The following CHD6 variants were observed in gnomAD, a reference collection of about 807,000 sequenced individuals.
The protein encoded by CHD6 is ATP-dependent chromatin remodeler CHD6.
A neutral mutation model predicts 276.9 loss-of-function variants in CHD6; 50 were observed. The observed-to-expected ratio is 0.18, with a 90% CI of 0.14 to 0.23. The LOEUF (loss-of-function observed/expected upper bound fraction) is 0.23. Among genes scored for constraint, CHD6 ranks in the 10% least tolerant of loss-of-function variants. CHD6 has a pLI of 1.00. For synonymous variants in CHD6, 1,173 were observed against 1,229.3 expected, an observed-to-expected ratio of 0.95 and a Z score of 0.96; for missense variants, 2,564 against 3,365.8, an observed-to-expected ratio of 0.76 and a Z score of 5.89.
At chr20:41,551,973 A>C (rs944826508) in intron 1 of CHD6, among the ~76,000 whole-genome samples, 10 of 152,332 alleles carry the variant, frequency 6.6e-5, no homozygotes, top group African/African-American at 2.4e-4. Flanking sequence ...TCCCCACTGC[A>C]ACCATAATGT....
rs371562776 is a variant in CHD6 at position 41,423,685 on chromosome 20, T to C, written c.4362A>G (p.Glu1454=). The part of the protein sequence containing the change: ...KEAQKRWTRR[E]QADFYRTVSS... The stretch of plus-strand genomic sequence containing the variant: ...ACACTGTTCTATAGAAGTCTGCTTG[T>C]TCTCTCCTAGTCCACCTTGAGATTT... Residue 1454 remains glutamate (E), a synonymous_variant, in exon 30 of 37, where the codon GAA becomes GAG. Coordinates refer to ENST00000373233, the MANE Select transcript of CHD6 (RefSeq NM_032221.5). 6 of 1,614,036 alleles carry C rather than the reference T, an allele frequency of 3.7e-6. No homozygotes were observed. The African/African-American group carries it at 8.0e-5, about 22-fold the overall frequency.
rs76496183 is a variant in CHD6 at position 41,515,349 on chromosome 20, T to C, written c.555-397A>G. On this transcript the variant is annotated intron_variant, in intron 3 of 36. Coordinates refer to ENST00000373233, the MANE Select transcript of CHD6 (RefSeq NM_032221.5). The stretch of plus-strand genomic sequence containing the variant: ...CTCCCTAATCTGTCACCAACCTCTA[T>C]TGAGTACACGCTGGACCTGGAGTGA... Among the ~76,000 whole-genome samples, 900 of 152,284 alleles carry C rather than the reference T, an allele frequency of 5.9e-3. 3 individuals are homozygous for C. The highest frequency in any genetic ancestry group is 0.01 in the Non-Finnish European group (698 of 68,024).
Position 41,416,662 on chromosome 20 carries a change from T to C in CHD6, c.6412A>G (p.Thr2138Ala), listed in dbSNP as rs778989493. 3.1e-6 allele frequency: 5 copies of C among 1,613,896 alleles called. No homozygotes were observed. The African/African-American group carries it at 5.3e-5, about 17-fold the overall frequency. ...GCTGCTTCCGGCTCTGAGAGGCTGGTTCGAGAACCAGCACTGCTGGTTAAT... is the reference window on the plus strand; with the variant it reads ...GCTGCTTCCGGCTCTGAGAGGCTGGCTCGAGAACCAGCACTGCTGGTTAAT... ...PVLTSSAGSR[T>A]SLSEPEAAEH... The change falls in exon 33 of 37, where the codon ACC (threonine) becomes GCC (alanine). Residue 2138 changes from threonine to alanine, a missense_variant. By Grantham distance (58) the Thr-to-Ala change is moderately conservative. Around this residue, in one of 7 missense-constraint regions of CHD6, gnomAD observed 1,024 missense variants for 1,047.9 expected, o/e 0.98. Transcript: ENST00000373233.
At chr20:41,541,050 A>G (rs1568689595) in intron 2 of CHD6, among the ~76,000 whole-genome samples, 1 of 150,224 alleles carries the variant, frequency 6.7e-6, no homozygotes, top group Admixed American at 6.6e-5. Context: ...AAAAAAACCC[A>G]CATGTCCTCA....
chr20:41,545,933 AC>A (rs2045031640), intron 2 of CHD6, among the ~76,000 whole-genome samples: 1 of 152,086 alleles, frequency 6.6e-6, no homozygotes, highest in African/African-American at 2.4e-5. Context: ...GGTGGGGCTG[AC>A]CTTCCCTTGG....
intron 1 of CHD6, among the ~76,000 whole-genome samples, chr20:41,589,894 T>C (rs564161206): frequency 1.7e-4 from 26 of 152,156 alleles, no homozygotes; most frequent in Middle Eastern, 3.4e-3. Flanking sequence ...CAAAAAAGAG[T>C]CCGCATTGCC....
intron 1 of CHD6, among the ~76,000 whole-genome samples, chr20:41,587,031 T>A (rs1457900203): frequency 1.3e-5 from 2 of 152,202 alleles, no homozygotes; most frequent in African/African-American, 4.8e-5. Flanking sequence ...ATAAAATGGT[T>A]ATTTGCACTT....
intron 25 of CHD6, among the ~76,000 whole-genome samples, chr20:41,444,188 T>C (rs2047991684): frequency 6.6e-6 from 1 of 152,192 alleles, no homozygotes; most frequent in Non-Finnish European, 1.5e-5. Flanking sequence ...AAACCAAGTC[T>C]GGGTTGCACT....
chr20:41,492,362 T>C (rs4812517), intron 10 of CHD6, among the ~76,000 whole-genome samples: 53,762 of 152,086 alleles, frequency 0.35, 12,327 homozygotes, highest in African/African-American at 0.63. Flanking sequence ...CAGTTCTGCA[T>C]CTCGAGACAC....
chr20:41,486,846 G>T (rs527262217), intron 14 of CHD6, among the ~76,000 whole-genome samples: 78 of 146,046 alleles, frequency 5.3e-4, no homozygotes, highest in African/African-American at 1.8e-3. Context: ...ATTATGCTGG[G>T]TTTTTTTTTT....
At chr20:41,510,972 T>TAA (rs1179511139) in intron 5 of CHD6, among the ~76,000 whole-genome samples, 1 of 152,216 alleles carries the variant, frequency 6.6e-6, no homozygotes, top group East Asian at 1.9e-4. Context: ...GTAATGAATA[T>TAA]AACCATGACA....
chr20:41,438,450 C>G (rs1043508864), intron 26 of CHD6, among the ~76,000 whole-genome samples: 2 of 151,808 alleles, frequency 1.3e-5, no homozygotes, highest in South Asian at 2.1e-4. Context: ...ATTAGCCAGG[C>G]GTGGTGGTGG....
At chr20:41,415,963 TG>T (rs35921964) in intron 33 of CHD6, among the ~76,000 whole-genome samples, 4 of 152,216 alleles carry the variant, frequency 2.6e-5, no homozygotes, top group Non-Finnish European at 5.9e-5. Context: ...CAGAATCACC[TG>T]GGAAGTTTAA....
At chr20:41,585,763 T>C (rs542414120) in intron 1 of CHD6, among the ~76,000 whole-genome samples, 2 of 152,088 alleles carry the variant, frequency 1.3e-5, no homozygotes, top group East Asian at 3.9e-4. Context: ...ACGCAGCAAA[T>C]ACAAGAAACC....
At chr20:41,609,855 C>CTTTT (rs369159347) in intron 1 of CHD6, among the ~76,000 whole-genome samples, 7 of 128,226 alleles carry the variant, frequency 5.5e-5, no homozygotes, top group South Asian at 2.5e-4. Context: ...TTTCTTTTTT[C>CTTTT]TTTTTTTTTT....
intron 3 of CHD6, among the ~76,000 whole-genome samples, chr20:41,515,480 G>A (rs1163601940): frequency 6.6e-6 from 1 of 152,170 alleles, no homozygotes; most frequent in East Asian, 1.9e-4. Flanking sequence ...GGCAGTACAT[G>A]AATGCTTCCT....
At chr20:41,532,529 C>T (rs2044712669) in intron 3 of CHD6, among the ~76,000 whole-genome samples, 2 of 152,232 alleles carry the variant, frequency 1.3e-5, no homozygotes, top group African/African-American at 2.4e-5. Context: ...ACTTCCCTTA[C>T]ACCCTGTGCA....
At chr20:41,436,065 CT>C (rs2047700105) in intron 27 of CHD6, among the ~76,000 whole-genome samples, 1 of 152,080 alleles carries the variant, frequency 6.6e-6, no homozygotes, top group African/African-American at 2.4e-5. Context: ...TCAAGGGATC[CT>C]CCCTAAAAAG....
At chr20:41,589,404 A>G (rs1248735442) in intron 1 of CHD6, among the ~76,000 whole-genome samples, 3 of 152,186 alleles carry the variant, frequency 2.0e-5, no homozygotes, top group African/African-American at 4.8e-5. Flanking sequence ...AGGGTATTCA[A>G]TTAGGAAAAG....
Sources: gnomAD v4.1 joint callset for allele counts (sites outside exome capture counted in the v4.1 genomes callset) on GRCh38, gnomAD v4.1.1 for gene constraint, gnomAD v4.1.1 regional missense constraint, MANE v1.5 for transcripts, NCBI Gene and HGNC (gene_info 2026-07-23, HGNC 2026-07-21) for gene names.